Variants in KCNJ6 observed in about 807,000 individuals in gnomAD.
The protein encoded by KCNJ6 is potassium inwardly rectifying channel subfamily J member 6.
Under a neutral mutation model 34.2 loss-of-function variants are expected in KCNJ6, and 9 were observed. The observed-to-expected ratio is 0.26, with a 90% CI of 0.16 to 0.46. KCNJ6 has a LOEUF of 0.46. KCNJ6 is among the 20% of genes least tolerant of loss of function. KCNJ6 has a pLI of 1.00. For synonymous variants in KCNJ6, 196 were observed against 207.1 expected, an observed-to-expected ratio of 0.95 and a Z score of 0.46; for missense variants, 236 against 531.3, an observed-to-expected ratio of 0.44 and a Z score of 5.46.
intron 2 of KCNJ6, among the ~76,000 whole-genome samples, chr21:37,833,507 A>G (rs1389221904): frequency 6.6e-6 from 1 of 152,044 alleles, no homozygotes; most frequent in African/African-American, 2.4e-5. Context: ...GAATTTTAAG[A>G]TGCAGTGTCA....
chr21:37,685,140 C>G (rs1000242037), intron 3 of KCNJ6, among the ~76,000 whole-genome samples: 65 of 151,914 alleles, frequency 4.3e-4, no homozygotes, highest in Admixed American at 2.0e-4. Flanking sequence ...AAGGAAACAC[C>G]AGTAAATATA....
rs1242129806 is a variant in KCNJ6, at chr21:37,847,662, G to A, written c.-27-6953C>T. Among the ~76,000 whole-genome samples, 3 of 152,092 alleles carry A rather than the reference G, an allele frequency of 2.0e-5. No homozygotes were observed. In the East Asian group the frequency reaches 5.8e-4, roughly 29 times the overall value. On this transcript the variant is annotated intron_variant, in intron 1 of 3. Transcript: ENST00000609713. ...ATGTGTAGAGAAATAGCTGCAATAT[G>A]TGGTATCAAGGGTAAAACACCAGAA...
intron 2 of KCNJ6, among the ~76,000 whole-genome samples, chr21:37,782,573 C>G (rs1295499129): frequency 6.6e-6 from 1 of 152,162 alleles, no homozygotes; most frequent in Non-Finnish European, 1.5e-5. Flanking sequence ...GGCCACAACT[C>G]CCTCCACCCA....
At chr21:37,815,875 G>A (rs1276468724) in intron 2 of KCNJ6, among the ~76,000 whole-genome samples, 5 of 152,222 alleles carry the variant, frequency 3.3e-5, no homozygotes, top group Admixed American at 1.3e-4. Context: ...ACCGAGGCCA[G>A]ATGTACGTCC....
At chr21:37,651,619 G>C (rs1418660473) in intron 3 of KCNJ6, among the ~76,000 whole-genome samples, 1 of 152,150 alleles carries the variant, frequency 6.6e-6, no homozygotes, top group Non-Finnish European at 1.5e-5. Context: ...TTGGAAATGG[G>C]GACAGGGAAC....
intron 3 of KCNJ6, among the ~76,000 whole-genome samples, chr21:37,673,439 C>T (rs1396130699): frequency 6.6e-6 from 1 of 152,268 alleles, no homozygotes; most frequent in Non-Finnish European, 1.5e-5. Flanking sequence ...CATCCATCCT[C>T]CTTCCTGGGG....
rs897000958 is a variant in KCNJ6 at position 37,915,655 on chromosome 21, C to A, written c.-28+229G>T. Reference sequence around the variant, plus strand: ...ACCCCTCCTTCCCCCGCCCCCCGTGCGAGTTTCAGTCGCTAATGAAAACCG... The same window carrying A: ...ACCCCTCCTTCCCCCGCCCCCCGTGAGAGTTTCAGTCGCTAATGAAAACCG... On this transcript the variant is annotated intron_variant, in intron 1 of 3. Coordinates refer to ENST00000609713, the MANE Select transcript of KCNJ6 (RefSeq NM_002240.5). Among the ~76,000 whole-genome samples, 11 of 152,250 alleles carry A rather than the reference C, an allele frequency of 7.2e-5. 1 individual carries two copies. Among genetic ancestry groups the A allele is most frequent in the African/African-American group, 2.4e-4 (10 of 41,470 alleles).
Position 37,610,019 on chromosome 21 carries a change from G to A in KCNJ6, c.*15140C>T. The stretch of plus-strand genomic sequence containing the variant: ...ACCGGGTTTAGTGGTGGTAATGACA[G>A]GGGAGCAGGACGTGGTCGGTGGGTG... On this transcript the variant is annotated 3_prime_UTR_variant, in exon 4 of 4. Transcript: ENST00000609713. The A allele has an allele frequency of 6.6e-6, 1 of 152,402 alleles. No homozygotes were observed. The highest frequency in any genetic ancestry group is 1.9e-4 in the East Asian group (1 of 5,174). The allele number at this position is 152,402 out of a possible 1,614,324, so 9.4% of individuals were successfully genotyped here.
At chr21:37,822,737 T>A (rs893361983) in intron 2 of KCNJ6, among the ~76,000 whole-genome samples, 2 of 152,162 alleles carry the variant, frequency 1.3e-5, no homozygotes, top group African/African-American at 4.8e-5. Context: ...CCACTATTGG[T>A]CTCAGGTTCA....
chr21:37,913,847 T>C (rs970909300), intron 1 of KCNJ6, among the ~76,000 whole-genome samples: 3 of 151,918 alleles, frequency 2.0e-5, no homozygotes, highest in African/African-American at 7.3e-5. Flanking sequence ...ACAAACTTGG[T>C]TGGCTGGCCT....
intron 2 of KCNJ6, among the ~76,000 whole-genome samples, chr21:37,730,241 G>C (rs858030): frequency 0.14 from 21,016 of 152,246 alleles, 1,614 homozygotes; most frequent in Admixed American, 0.19. Context: ...ATGCAAAATA[G>C]GGTGAAATGT....
intron 1 of KCNJ6, among the ~76,000 whole-genome samples, chr21:37,895,964 C>G (rs1010600834): frequency 6.6e-6 from 1 of 152,160 alleles, no homozygotes; most frequent in Admixed American, 6.5e-5. Flanking sequence ...AAAGAAATGC[C>G]TGAGACTGGG....
rs571454392 is a variant in KCNJ6, at chr21:37,631,935, G to C, written c.947-6451C>G. On this transcript the variant is annotated intron_variant, in intron 3 of 3. Transcript: ENST00000609713. ...TTTTTGGACCGAGTATTGGGAAAGG[G>C]GAATTCCAGGGACCAGAGTTTGTGG... is the stretch of plus-strand genomic sequence containing the variant. Among the ~76,000 whole-genome samples the C allele has an allele frequency of 3.5e-4, 54 of 152,266 alleles. 1 individual carries two copies. In the South Asian group the frequency reaches 0.011, roughly 30 times the overall value.
chr21:37,776,331 C>T (rs1337034090), intron 2 of KCNJ6, among the ~76,000 whole-genome samples: 3 of 152,154 alleles, frequency 2.0e-5, no homozygotes, highest in Non-Finnish European at 4.4e-5. Context: ...TAATTGAATA[C>T]CCTTTATTAC....
At chr21:37,687,006 T>C (rs528139901) in intron 3 of KCNJ6, among the ~76,000 whole-genome samples, 2 of 152,262 alleles carry the variant, frequency 1.3e-5, no homozygotes, top group African/African-American at 4.8e-5. Flanking sequence ...ACGAAGCTAA[T>C]TTCTGAGGAA....
In KCNJ6 at chr21:37,915,918, A is replaced by C. The variant is rs1321491163; in HGVS notation, c.-62T>G. On this transcript the variant is annotated 5_prime_UTR_variant, in exon 1 of 4. Transcript: ENST00000609713. ...GACGGGGTGGCTTCACTCAATCATG[A>C]TCTCCTCTCTTGAAACGGAGCAAGA... 5 of 152,086 alleles carry C rather than the reference A, an allele frequency of 3.3e-5. No homozygotes were observed. 9.4% of individuals were successfully genotyped at this position (152,086 alleles called of 1,614,324 possible).
At chr21:37,632,358 A>C (rs556252925) in intron 3 of KCNJ6, among the ~76,000 whole-genome samples, 2 of 152,120 alleles carry the variant, frequency 1.3e-5, no homozygotes, top group African/African-American at 4.8e-5. Flanking sequence ...TAAATATAAA[A>C]ATTAAAGGGC....
chr21:37,669,577 T>TTTTG (rs1556016701), intron 3 of KCNJ6, among the ~76,000 whole-genome samples: 3 of 149,078 alleles, frequency 2.0e-5, no homozygotes, highest in African/African-American at 7.4e-5. Context: ...TCTGTGTGTG[T>TTTTG]TGTGTGTGTG....
intron 2 of KCNJ6, among the ~76,000 whole-genome samples, chr21:37,795,902 G>A (rs961764290): frequency 1.3e-5 from 2 of 152,184 alleles, no homozygotes; most frequent in Admixed American, 1.3e-4. Flanking sequence ...ACAGGCATGA[G>A]AGGTTAAGGA....
Sources: allele counts gnomAD v4.1 joint callset (sites outside exome capture counted in the v4.1 genomes callset), GRCh38; gene constraint gnomAD v4.1.1; transcripts MANE v1.5; gene names NCBI Gene and HGNC (gene_info 2026-07-23, HGNC 2026-07-21).